The following HTR2A variants were observed in gnomAD, a reference collection of about 807,000 sequenced individuals.
HTR2A encodes 5-hydroxytryptamine receptor 2A.
HTR2A carries 14 observed loss-of-function variants against 31.0 expected under a neutral mutation model. The ratio of observed to expected loss-of-function variants is 0.45; its 90% CI spans 0.30 to 0.71. The LOEUF is 0.71. Ranked by LOEUF, HTR2A falls within the 30% of genes least tolerant of loss-of-function variation. The probability of loss-of-function intolerance (pLI) is 0.09; values close to 1 mark genes in which losing one functional copy is unlikely to be tolerated. For missense variants in HTR2A, 442 were observed against 573.3 expected (o/e 0.77, Z 2.34); for synonymous variants, 209 against 225.2 (o/e 0.93, Z 0.64).
At chr13:46,894,215 G>A (rs372808931) in intron 2 of HTR2A, among the ~76,000 whole-genome samples, 14 of 152,144 alleles carry the variant, frequency 9.2e-5, no homozygotes, top group East Asian at 3.9e-4. Context: ...CGGAGGGAAC[G>A]GGCTGCTCTC....
At chr13:46,863,645 A>AG (rs1555298344) in intron 3 of HTR2A, among the ~76,000 whole-genome samples, 1 of 30,536 alleles carries the variant, frequency 3.3e-5, no homozygotes, top group African/African-American at 7.2e-5. Flanking sequence ...AAAAAAAAAA[A>AG]AAAAGAAAAA....
chr13:46,849,160 G>C (rs1371652855), intron 3 of HTR2A, among the ~76,000 whole-genome samples: 1 of 152,146 alleles, frequency 6.6e-6, no homozygotes, highest in Non-Finnish European at 1.5e-5. Flanking sequence ...CAGATACACA[G>C]CTTAAAAACT....
At chr13:46,841,696 C>A (rs1566300318) in intron 3 of HTR2A, among the ~76,000 whole-genome samples, 1 of 151,942 alleles carries the variant, frequency 6.6e-6, no homozygotes, top group East Asian at 1.9e-4. Context: ...CTCCTCTGAC[C>A]CTCCTTCCTT....
chr13:46,856,309 T>C (rs1369588358), intron 3 of HTR2A: 1 of 152,232 alleles, frequency 6.6e-6, no homozygotes, highest in Non-Finnish European at 1.5e-5. Context: ...ATGTTTTATC[T>C]TTTTAATGAC....
chr13:46,872,222 C>T (rs1409414216), intron 3 of HTR2A, among the ~76,000 whole-genome samples: 3 of 152,270 alleles, frequency 2.0e-5, no homozygotes, highest in Admixed American at 6.5e-5. Context: ...CCAGTTCTAG[C>T]ACTTATTAAG....
At chr13:46,884,410 G>A (rs1403960715) in intron 3 of HTR2A, among the ~76,000 whole-genome samples, 1 of 152,160 alleles carries the variant, frequency 6.6e-6, no homozygotes, top group Non-Finnish European at 1.5e-5. Flanking sequence ...TTAGAGAAAA[G>A]TGAGATATCT....
intron 3 of HTR2A, among the ~76,000 whole-genome samples, chr13:46,856,576 G>T (rs1468021254): frequency 6.6e-6 from 1 of 151,012 alleles, no homozygotes; most frequent in African/African-American, 2.5e-5. Context: ...TTCCCCAGTA[G>T]GCTTTAACTC....
chr13:46,835,973 C>T (rs1047586539), intron 3 of HTR2A, among the ~76,000 whole-genome samples: 4 of 151,728 alleles, frequency 2.6e-5, no homozygotes, highest in African/African-American at 9.7e-5. Context: ...AAAAATTGTC[C>T]AATAACGTCA....
rs752088874 is a variant in HTR2A at position 46,835,344 on chromosome 13, T to G, written c.909A>C (p.Pro303=). 15 of 1,614,124 alleles carry G rather than the reference T, an allele frequency of 9.3e-6. No individual in the cohort carries two copies. The East Asian group carries it at 3.3e-4, about 36-fold the overall frequency. ...KLFQRSIHRE[P]GSYTGRRTMQ... ...TAGTCCTCCTGCCTGTGTAGGACCC[T>G]GGCTCCCTATGGATCGACCGCTGGA... is the stretch of plus-strand genomic sequence containing the variant. Residue 303 remains proline, a synonymous_variant, in exon 4 of 4, where the codon CCA becomes CCC. Coordinates refer to ENST00000542664, the MANE Select transcript of HTR2A (RefSeq NM_000621.5).
intron 3 of HTR2A, among the ~76,000 whole-genome samples, chr13:46,866,107 T>C (rs905322951): frequency 6.6e-6 from 1 of 152,226 alleles, no homozygotes; most frequent in Non-Finnish European, 1.5e-5. Context: ...AATTGTTTTG[T>C]AGATTAAAAT....
intron 3 of HTR2A, among the ~76,000 whole-genome samples, chr13:46,845,679 GC>G (rs1950637055): frequency 6.6e-6 from 1 of 151,272 alleles, no homozygotes; most frequent in South Asian, 2.1e-4. Context: ...GACTAGGGAG[GC>G]AGAGGATACA....
At chr13:46,883,776 C>T (rs1302591926) in intron 3 of HTR2A, among the ~76,000 whole-genome samples, 1 of 152,172 alleles carries the variant, frequency 6.6e-6, no homozygotes, top group Non-Finnish European at 1.5e-5. Flanking sequence ...ATACTAGGAT[C>T]ACTCTCTCTC....
intron 3 of HTR2A, among the ~76,000 whole-genome samples, chr13:46,844,360 T>A (rs1950623347): frequency 2.0e-5 from 3 of 152,202 alleles, no homozygotes; most frequent in Admixed American, 1.3e-4. Context: ...AATGCTTCCC[T>A]TCATTTTTGT....
At chr13:46,841,072 C>T (rs1484489525) in intron 3 of HTR2A, among the ~76,000 whole-genome samples, 2 of 152,162 alleles carry the variant, frequency 1.3e-5, no homozygotes, top group African/African-American at 2.4e-5. Context: ...CTCCTTCCCA[C>T]GCTCTCTCTC....
At chr13:46,893,444 G>T (rs1173077812) in intron 2 of HTR2A, among the ~76,000 whole-genome samples, 6 of 152,210 alleles carry the variant, frequency 3.9e-5, no homozygotes, top group Admixed American at 1.3e-4. Context: ...TTTGTGAATA[G>T]CTGCTTTAGG....
At chr13:46,877,141 T>C (rs944185593) in intron 3 of HTR2A, among the ~76,000 whole-genome samples, 16 of 152,178 alleles carry the variant, frequency 1.1e-4, no homozygotes, top group African/African-American at 3.6e-4. Flanking sequence ...CTAGAAGCTA[T>C]ACTGTACCCT....
At chr13:46,849,638 G>A (rs4536360) in intron 3 of HTR2A, among the ~76,000 whole-genome samples, 1 of 152,098 alleles carries the variant, frequency 6.6e-6, no homozygotes, top group Non-Finnish European at 1.5e-5. Context: ...CCAGGAACAC[G>A]CCACTCTCTA....
At chr13:46,856,395 C>T (rs1950737832) in intron 3 of HTR2A, 1 of 152,096 alleles carries the variant, frequency 6.6e-6, no homozygotes, top group Non-Finnish European at 1.5e-5. Context: ...TTTCTTCATA[C>T]ACTGCAAGTT....
intron 3 of HTR2A, among the ~76,000 whole-genome samples, chr13:46,891,128 C>T (rs1951049073): frequency 1.3e-5 from 2 of 152,224 alleles, no homozygotes; most frequent in South Asian, 2.1e-4. Flanking sequence ...CAGTAAGCCA[C>T]AATACCTCTG....
Sources: allele counts gnomAD v4.1 joint callset (sites outside exome capture counted in the v4.1 genomes callset), GRCh38; gene constraint gnomAD v4.1.1; transcripts MANE v1.5; gene names NCBI Gene and HGNC (gene_info 2026-07-23, HGNC 2026-07-21).